Variants in ETV6 observed in about 807,000 individuals in gnomAD.
The protein encoded by ETV6 is ETS variant transcription factor 6, also known as transcription factor ETV6.
Under a neutral mutation model 51.1 loss-of-function variants are expected in ETV6, and 16 were observed. The ratio of observed to expected loss-of-function variants is 0.31; its 90% CI spans 0.21 to 0.48. The LOEUF (loss-of-function observed/expected upper bound fraction) is 0.48, where lower values mean the gene tolerates loss of function less well. Among genes scored for constraint, ETV6 ranks in the 20% least tolerant of loss-of-function variants. The pLI, the probability that ETV6 is intolerant of heterozygous loss-of-function variation, is 0.99. For missense variants in ETV6, 458 were observed against 594.8 expected (o/e 0.77, Z 2.39); for synonymous variants, 240 against 224.1 (o/e 1.07, Z -0.64).
At chr12:11,766,486 TC>T (rs1421922414) in intron 2 of ETV6, among the ~76,000 whole-genome samples, 2 of 151,960 alleles carry the variant, frequency 1.3e-5, no homozygotes, top group Non-Finnish European at 2.9e-5. Context: ...ATTATATCCG[TC>T]CCCCCACACC....
intron 1 of ETV6, among the ~76,000 whole-genome samples, chr12:11,699,028 A>G (rs574364240): frequency 1.3e-5 from 2 of 152,344 alleles, no homozygotes; most frequent in Admixed American, 6.5e-5. Context: ...AGATCTCTCC[A>G]TTAGAGCACG....
chr12:11,764,750 GA>G (rs986035081), intron 2 of ETV6, among the ~76,000 whole-genome samples: 1 of 152,178 alleles, frequency 6.6e-6, no homozygotes, highest in Non-Finnish European at 1.5e-5. Context: ...GAATTTGGGG[GA>G]AAGATCCTTT....
intron 1 of ETV6, among the ~76,000 whole-genome samples, chr12:11,728,886 A>G (rs1865541616): frequency 6.6e-6 from 1 of 152,198 alleles, no homozygotes; most frequent in African/African-American, 2.4e-5. Context: ...ATCTGACTTC[A>G]AGTCTTTAGC....
chr12:11,694,983 A>C (rs1382397861), intron 1 of ETV6, among the ~76,000 whole-genome samples: 1 of 152,202 alleles, frequency 6.6e-6, no homozygotes, highest in Non-Finnish European at 1.5e-5. Context: ...TATGTCACTT[A>C]GTATAGGTCA....
chr12:11,739,778 T>C (rs919722838), intron 1 of ETV6, among the ~76,000 whole-genome samples: 2 of 152,254 alleles, frequency 1.3e-5, no homozygotes, highest in African/African-American at 4.8e-5. Context: ...CTCTTGTTTT[T>C]CATGTAGCTA....
At chr12:11,801,791 C>A (rs887116667) in intron 2 of ETV6, among the ~76,000 whole-genome samples, 6 of 152,224 alleles carry the variant, frequency 3.9e-5, no homozygotes, top group African/African-American at 1.2e-4. Flanking sequence ...GCATTCTTCT[C>A]ACTGCAAGTT....
intron 1 of ETV6, among the ~76,000 whole-genome samples, chr12:11,664,318 G>A (rs548922490): frequency 1.3e-5 from 2 of 152,174 alleles, no homozygotes; most frequent in Admixed American, 6.5e-5. Flanking sequence ...GAGTCTTATT[G>A]TTATTGTTTT....
chr12:11,760,581 T>A (rs1306212919), intron 2 of ETV6, among the ~76,000 whole-genome samples: 1 of 152,058 alleles, frequency 6.6e-6, no homozygotes, highest in Non-Finnish European at 1.5e-5. Flanking sequence ...AGTTTTAGGG[T>A]GTTGAATAGC....
intron 2 of ETV6, among the ~76,000 whole-genome samples, chr12:11,825,488 CT>C (rs1346914388): frequency 1.3e-5 from 2 of 152,232 alleles, no homozygotes; most frequent in African/African-American, 2.4e-5. Context: ...GTCTCTGCCC[CT>C]GTCTTCACAT....
At chr12:11,885,518 G>A (rs1402974930) in intron 6 of ETV6, among the ~76,000 whole-genome samples, 1 of 152,164 alleles carries the variant, frequency 6.6e-6, no homozygotes, top group Non-Finnish European at 1.5e-5. Context: ...TTGAGAAAAG[G>A]TCATTGCAAC....
At chr12:11,669,364 T>G (rs551317142) in intron 1 of ETV6, among the ~76,000 whole-genome samples, 1 of 136,716 alleles carries the variant, frequency 7.3e-6, no homozygotes, top group South Asian at 2.4e-4. Flanking sequence ...CTGTCCTCCC[T>G]TCCTCCCTTC....
chr12:11,693,316 G>A (rs1030136331), intron 1 of ETV6, among the ~76,000 whole-genome samples: 2 of 152,188 alleles, frequency 1.3e-5, no homozygotes, highest in African/African-American at 2.4e-5. Context: ...AGGCAGATGA[G>A]GGAAGTCATG....
intron 1 of ETV6, among the ~76,000 whole-genome samples, chr12:11,691,419 A>G (rs205542): frequency 0.96 from 145,864 of 152,228 alleles, 70,017 homozygotes; most frequent in Non-Finnish European, 0.99. Flanking sequence ...GGTAACTATT[A>G]TCTGAACCCT....
In ETV6 at chr12:11,893,831, TATATATATATAC is replaced by T. The variant is rs1293022580; in HGVS notation, c.*2787_*2798del. On this transcript the variant is annotated 3_prime_UTR_variant, in exon 8 of 8. Coordinates refer to ENST00000396373, the MANE Select transcript of ETV6 (RefSeq NM_001987.5). ...ATATATATATATATATATATATATA[TATATATATATAC>T]ACACACACACACATACACAAATATT... is the stretch of plus-strand genomic sequence containing the variant. 3,467 of 64,114 alleles carry T rather than the reference TATATATATATAC, an allele frequency of 0.054. 188 individuals carry two copies. The highest frequency in any genetic ancestry group is 0.087 in the East Asian group (249 of 2,864). The allele number at this position is 64,114 out of a possible 1,614,324, so 4.0% of individuals were successfully genotyped here.
intron 2 of ETV6, among the ~76,000 whole-genome samples, chr12:11,836,804 A>G (rs1288704991): frequency 2.0e-5 from 3 of 151,786 alleles, no homozygotes; most frequent in South Asian, 2.1e-4. Flanking sequence ...TTTGGGGCCC[A>G]TGTTTCCAAT....
At chr12:11,693,594 C>T (rs987063334) in intron 1 of ETV6, among the ~76,000 whole-genome samples, 7 of 152,132 alleles carry the variant, frequency 4.6e-5, no homozygotes, top group Non-Finnish European at 1.0e-4. Flanking sequence ...GACTCAGGAA[C>T]GGCCTGTGGT....
At chr12:11,722,559 A>G (rs1177674371) in intron 1 of ETV6, among the ~76,000 whole-genome samples, 1 of 152,194 alleles carries the variant, frequency 6.6e-6, no homozygotes, top group Non-Finnish European at 1.5e-5. Context: ...GAAGGAGTTA[A>G]ACTATTCTAA....
intron 2 of ETV6, among the ~76,000 whole-genome samples, chr12:11,782,346 C>G (rs928831666): frequency 1.3e-5 from 2 of 152,052 alleles, no homozygotes; most frequent in African/African-American, 4.8e-5. Flanking sequence ...AATGTATCTA[C>G]TCTCGGTGAT....
chr12:11,660,686 G>A (rs925424417), intron 1 of ETV6, among the ~76,000 whole-genome samples: 4 of 152,078 alleles, frequency 2.6e-5, no homozygotes, highest in Admixed American at 6.5e-5. Context: ...TCAGACTAGG[G>A]AAGGAAACTT....
Sources: gnomAD v4.1 joint callset for allele counts (sites outside exome capture counted in the v4.1 genomes callset) on GRCh38, gnomAD v4.1.1 for gene constraint, MANE v1.5 for transcripts, NCBI Gene and HGNC (gene_info 2026-07-23, HGNC 2026-07-21) for gene names.